ISM1: variants seen among roughly 807,000 people sequenced by gnomAD.
ISM1 encodes isthmin-1.
Under a neutral mutation model 46.3 loss-of-function variants are expected in ISM1, and 25 were observed. The observed-to-expected ratio is 0.54, with a 90% CI of 0.39 to 0.75. The LOEUF is 0.75. Among genes scored for constraint, ISM1 ranks in the 30% least tolerant of loss-of-function variants. The probability of loss-of-function intolerance (pLI) is 0.00; values close to 1 mark genes in which losing one functional copy is unlikely to be tolerated. For missense variants in ISM1, 536 were observed against 625.4 expected (o/e 0.86, Z 1.52); for synonymous variants, 255 against 256.7 (o/e 0.99, Z 0.06).
Position 13,235,600 on chromosome 20 carries a change from A to G in ISM1, c.138+13686A>G, listed in dbSNP as rs149197437. On this transcript the variant is annotated intron_variant, in intron 1 of 5. Transcript: ENST00000262487. ...AGTTAGAGCTGGAGAAAGCTCTCAC[A>G]TGTCATCCTATGGGTTGCTCTGGCA... 5.9e-4 allele frequency among the ~76,000 whole-genome samples: 90 copies of G among 152,242 alleles called. 1 individual carries two copies. The highest frequency in any genetic ancestry group is 1.2e-3 in the Non-Finnish European group (80 of 68,024).
At chr20:13,265,487 G>T (rs531581307) in intron 1 of ISM1, among the ~76,000 whole-genome samples, 29 of 152,178 alleles carry the variant, frequency 1.9e-4, no homozygotes, top group African/African-American at 6.7e-4. Context: ...AGCAATGGGG[G>T]CCTGTCAAGC....
the ISM1 span, among the ~76,000 whole-genome samples, chr20:13,316,306 C>T: frequency 0.12 from 18,342 of 151,792 alleles, 1,237 homozygotes; most frequent in Admixed American, 0.18. Context: ...AATTAATAAC[C>T]TGTCAAAACA....
At chr20:13,293,209 A>G (rs1397369863) in intron 5 of ISM1, among the ~76,000 whole-genome samples, 7 of 125,684 alleles carry the variant, frequency 5.6e-5, no homozygotes, top group Non-Finnish European at 8.0e-5. Context: ...CTCCGTCTCA[A>G]AAAAAAAAAA....
downstream of ISM1, among the ~76,000 whole-genome samples, chr20:13,305,497 T>A (rs2123355509): frequency 6.6e-6 from 1 of 152,294 alleles, no homozygotes; most frequent in East Asian, 1.9e-4. Context: ...AGTTCTCTGT[T>A]TGTCATTCAT....
intron 2 of ISM1, among the ~76,000 whole-genome samples, chr20:13,272,289 G>T (rs545055088): frequency 6.6e-6 from 1 of 152,300 alleles, no homozygotes; most frequent in Non-Finnish European, 1.5e-5. Flanking sequence ...TCGTTGACCT[G>T]AGTTGTTTTG....
intron 2 of ISM1, among the ~76,000 whole-genome samples, 173 bp downstream of exon 2, chr20:13,270,916 C>G (rs1425168674): frequency 6.6e-6 from 1 of 152,112 alleles, no homozygotes; most frequent in African/African-American, 2.4e-5. Flanking sequence ...TTAAGTGACA[C>G]CCTTGATTGT....
rs2039449231 is a variant in ISM1 at position 13,221,655 on chromosome 20, T to TGGCGGGAGCGGA, written c.-113_-112insGGAGGCGGGAGC. On this transcript the variant is annotated 5_prime_UTR_variant, in exon 1 of 6. Transcript: ENST00000262487. ...CCCGCGGGCCCGGGAAGCGGAGCCC[T>TGGCGGGAGCGGA]GGCGGGAGCCGAGGCGGGAGCCGCG... 6 of 834,188 alleles carry TGGCGGGAGCGGA rather than the reference T, an allele frequency of 7.2e-6. No individual in the cohort carries two copies. The Admixed American group carries it at 1.5e-4, about 20-fold the overall frequency. 51.7% of individuals were successfully genotyped at this position (834,188 alleles called of 1,614,324 possible).
chr20:13,229,385 T>G (rs1246276409), intron 1 of ISM1, among the ~76,000 whole-genome samples: 2 of 152,204 alleles, frequency 1.3e-5, no homozygotes, highest in Non-Finnish European at 2.9e-5. Flanking sequence ...TAGATTAGTT[T>G]TGCCTGTTCC....
At chr20:13,241,077 A>T (rs534461535) in intron 1 of ISM1, among the ~76,000 whole-genome samples, 2 of 152,190 alleles carry the variant, frequency 1.3e-5, no homozygotes, top group South Asian at 4.2e-4. Context: ...AGGAGAGAGG[A>T]CTTCTATCGA....
chr20:13,244,059 C>G (rs1487991414), intron 1 of ISM1: 1 of 152,150 alleles, frequency 6.6e-6, no homozygotes, highest in Non-Finnish European at 1.5e-5. Flanking sequence ...AGAAAGAGAG[C>G]CCTGTTAGCC....
chr20:13,280,764 C>T (rs570177614), intron 3 of ISM1, among the ~76,000 whole-genome samples: 2 of 152,216 alleles, frequency 1.3e-5, no homozygotes, highest in Non-Finnish European at 2.9e-5. Context: ...ATGGCCCCAC[C>T]TTGGTGCAAG....
rs772786307 is a variant in ISM1, at chr20:13,279,803, C to T, written c.548C>T (p.Thr183Ile). The T allele has an allele frequency of 2.5e-6, 4 of 1,614,010 alleles. No homozygotes were observed. The highest frequency in any genetic ancestry group is 3.3e-5 in the Admixed American group (2 of 60,020). The change falls in exon 3 of 6, where the codon ACC becomes ATC. Residue 183 changes from threonine to isoleucine, a missense_variant. Thr to Ile is a moderately conservative substitution (Grantham distance 89, BLOSUM62 -1). Transcript: ENST00000262487. ...SGDQDYKYDS[T>I]SDDSNFLNPP... Reference sequence around the variant, plus strand: ...GACCAGGACTACAAGTACGACAGTACCTCAGACGACAGCAACTTCCTCAAC... The same window carrying T: ...GACCAGGACTACAAGTACGACAGTATCTCAGACGACAGCAACTTCCTCAAC...
At chr20:13,253,720 T>G (rs1215365840) in intron 1 of ISM1, among the ~76,000 whole-genome samples, 1 of 152,102 alleles carries the variant, frequency 6.6e-6, no homozygotes, top group Non-Finnish European at 1.5e-5. Context: ...GGGCCCCCAT[T>G]TTGAGAACAC....
At chr20:13,230,682 G>A (rs1341199458) in intron 1 of ISM1, among the ~76,000 whole-genome samples, 2 of 151,674 alleles carry the variant, frequency 1.3e-5, no homozygotes, top group African/African-American at 4.9e-5. Flanking sequence ...TGGGATGGGG[G>A]TGTCGGTTTA....
At chr20:13,307,323 A>T in the ISM1 span, among the ~76,000 whole-genome samples, 4 of 152,136 alleles carry the variant, frequency 2.6e-5, no homozygotes, top group African/African-American at 7.2e-5. Flanking sequence ...AAAAGCACAC[A>T]CGTATCATAA....
chr20:13,252,599 A>T (rs929754846), intron 1 of ISM1, among the ~76,000 whole-genome samples: 2 of 152,064 alleles, frequency 1.3e-5, no homozygotes, highest in Non-Finnish European at 2.9e-5. Flanking sequence ...AAAAATACAA[A>T]AATACATTAG....
chr20:13,309,172 C>G, the ISM1 span, among the ~76,000 whole-genome samples: 2 of 151,914 alleles, frequency 1.3e-5, no homozygotes, highest in African/African-American at 4.8e-5. Context: ...AATAAAAATA[C>G]TAAACTATGC....
chr20:13,281,311 G>T (rs1035022909), intron 3 of ISM1, among the ~76,000 whole-genome samples: 12 of 152,160 alleles, frequency 7.9e-5, no homozygotes, highest in Non-Finnish European at 4.4e-5. Flanking sequence ...AACTGAAAGA[G>T]AACTCTAGAA....
chr20:13,299,048 T>C lies in ISM1; in HGVS notation c.984T>C (p.Thr328=). The C allele has an allele frequency of 1.9e-6, 3 of 1,613,770 alleles. No individual in the cohort carries two copies. The highest frequency in any genetic ancestry group is 1.1e-5 in the South Asian group (1 of 91,032). ...DLPSCPCSYP[T]EVAYSTADIF... ...CCAGCTGCCCCTGCTCCTACCCCAC[T>C]GAGGTGGCCTACAGCACGGCCGACA... The change falls in exon 6 of 6, where the codon ACT becomes ACC. Residue 328 remains threonine (T), a synonymous_variant. Coordinates refer to ENST00000262487, the MANE Select transcript of ISM1 (RefSeq NM_080826.2). This position sits in a 1 kb window ranked among gnomAD's most constrained non-coding sequence, Gnocchi z 5.8.
Sources: allele counts gnomAD v4.1 joint callset (sites outside exome capture counted in the v4.1 genomes callset), GRCh38; gene constraint gnomAD v4.1.1; non-coding constraint Gnocchi (gnomAD v3.1); transcripts MANE v1.5; gene names NCBI Gene and HGNC (gene_info 2026-07-23, HGNC 2026-07-21).